GCSAML: variants seen among roughly 807,000 people sequenced by gnomAD.
GCSAML encodes germinal center associated signaling and motility like, also known as germinal center-associated signaling and motility-like protein.
Under a neutral mutation model 13.0 loss-of-function variants are expected in GCSAML, and 9 were observed. The ratio of observed to expected loss-of-function variants is 0.69; its 90% CI spans 0.42 to 1.21. The LOEUF (loss-of-function observed/expected upper bound fraction) is 1.21, where lower values mean the gene tolerates loss of function less well. GCSAML is among the 50% of genes most tolerant of loss of function. The probability of loss-of-function intolerance (pLI) is 0.00; values close to 1 mark genes in which losing one functional copy is unlikely to be tolerated. For synonymous variants in GCSAML, 37 were observed against 52.9 expected (o/e 0.70, Z 1.31); for missense variants, 143 against 153.4 (o/e 0.93, Z 0.36).
intron 4 of GCSAML, among the ~76,000 whole-genome samples, chr1:247,566,171 G>C (rs1483261735): frequency 6.6e-6 from 1 of 152,194 alleles, no homozygotes; most frequent in African/African-American, 2.4e-5. Context: ...AAACCAAAAA[G>C]TATTTCAACT....
chr1:247,536,564 G>C (rs578153230), intron 2 of GCSAML: 1 of 152,298 alleles, frequency 6.6e-6, no homozygotes, highest in South Asian at 2.1e-4. Flanking sequence ...ATAATTCTAA[G>C]ACATTGATTG....
chr1:247,573,267 G>A (rs1668696640), intron 4 of GCSAML, among the ~76,000 whole-genome samples: 1 of 152,194 alleles, frequency 6.6e-6, no homozygotes, highest in African/African-American at 2.4e-5. Context: ...TGGCCACTCA[G>A]TTTTGTGCTT....
intron 1 of GCSAML, among the ~76,000 whole-genome samples, chr1:247,516,760 C>T (rs2103303823): frequency 6.6e-6 from 1 of 152,294 alleles, no homozygotes; most frequent in Non-Finnish European, 1.5e-5. Flanking sequence ...CTAACTTCTT[C>T]AGCAGCTGAG....
chr1:247,522,851 C>T (rs1231966680), intron 1 of GCSAML, among the ~76,000 whole-genome samples: 2 of 149,156 alleles, frequency 1.3e-5, no homozygotes, highest in African/African-American at 2.5e-5. Flanking sequence ...CTTCCCTCCA[C>T]TATTGTCCTA....
chr1:247,538,760 A>G (rs1194702146), intron 2 of GCSAML: 1 of 456,460 alleles, frequency 2.2e-6, no homozygotes, highest in Non-Finnish European at 4.4e-6. Context: ...CCCTGAGGGT[A>G]CCTTGATCTT....
intron 2 of GCSAML, among the ~76,000 whole-genome samples, chr1:247,534,500 G>C (rs2103010820): frequency 6.6e-6 from 1 of 152,346 alleles, no homozygotes; most frequent in African/African-American, 2.4e-5. Context: ...CTTTTGTACA[G>C]TTGGAATAAA....
chr1:247,536,276 G>A (rs1667213662), intron 2 of GCSAML: 1 of 152,050 alleles, frequency 6.6e-6, no homozygotes, highest in African/African-American at 2.4e-5. Context: ...AATGCGTGTG[G>A]CATTAAAAAA....
chr1:247,545,779 T>A (rs1432786686), upstream of GCSAML, among the ~76,000 whole-genome samples: 3 of 152,212 alleles, frequency 2.0e-5, no homozygotes, highest in African/African-American at 7.2e-5. Flanking sequence ...TTCCTTAAAT[T>A]TTTTGGTAAT....
intron 2 of GCSAML, among the ~76,000 whole-genome samples, chr1:247,538,456 G>A (rs938047616): frequency 6.6e-6 from 1 of 152,106 alleles, no homozygotes; most frequent in Non-Finnish European, 1.5e-5. Context: ...ATGGTGTTAT[G>A]AACTGAATTG....
rs1667953561 is a variant in GCSAML, at chr1:247,556,478, G to A, written c.89+12G>A. On this transcript the variant is annotated intron_variant, in intron 2 of 4. Coordinates refer to ENST00000366488, the MANE Select transcript of GCSAML (RefSeq NM_145278.5). ...GAGGAAAGAAAACGGTAAGAACAGAGCATCTCAGAGTTTTTTTGTTTTGTT... is the reference window on the plus strand; with the variant it reads ...GAGGAAAGAAAACGGTAAGAACAGAACATCTCAGAGTTTTTTTGTTTTGTT... 1.3e-6 allele frequency: 2 copies of A among 1,590,414 alleles called. No individual in the cohort carries two copies. The highest frequency in any genetic ancestry group is 1.7e-6 in the Non-Finnish European group (2 of 1,162,828).
Position 247,574,304 on chromosome 1 carries a change from T to C in GCSAML, c.330T>C (p.Tyr110=). The C allele has an allele frequency of 6.2e-7, 1 of 1,614,014 alleles. No homozygotes were observed. Among genetic ancestry groups the C allele is most frequent in the Non-Finnish European group, 8.5e-7 (1 of 1,179,918 alleles). Residue 110 remains tyrosine, a synonymous_variant, in exon 5 of 5, where the codon TAT becomes TAC. Transcript: ENST00000366488. The part of the protein sequence containing the change: ...RQFRERSETE[Y]ALLRTSVSRP... ...TTAGAGAAAGGTCAGAGACAGAATATGCCCTTCTTAGGACTTCTGTTAGTA... is the reference window on the plus strand; with the variant it reads ...TTAGAGAAAGGTCAGAGACAGAATACGCCCTTCTTAGGACTTCTGTTAGTA...
chr1:247,542,706 C>A (rs373738957), intron 2 of GCSAML, among the ~76,000 whole-genome samples: 5 of 152,294 alleles, frequency 3.3e-5, no homozygotes, highest in South Asian at 4.1e-4. Flanking sequence ...TATCTAGTCA[C>A]CCCTGTGATG....
At chr1:247,531,320 T>C in intron 2 of GCSAML, 1 of 568,990 alleles carries the variant, frequency 1.8e-6, no homozygotes, top group South Asian at 2.3e-5. Flanking sequence ...AGTCAACATG[T>C]GTATATATAG....
At chr1:247,571,923 A>C (rs1176054) in intron 4 of GCSAML, among the ~76,000 whole-genome samples, 97,494 of 151,738 alleles carry the variant, frequency 0.64, 31,686 homozygotes, top group East Asian at 0.8. Flanking sequence ...TTTCTCTAAC[A>C]TTGTCTTCAT....
chr1:247,520,172 TG>T lies in GCSAML; in HGVS notation c.-262-6766del, dbSNP rs1390112701. 3.3e-5 allele frequency among the ~76,000 whole-genome samples: 5 copies of T among 152,366 alleles called. No individual in the cohort carries two copies. In the East Asian group the frequency reaches 9.6e-4, roughly 29 times the overall value. ...TCCATGAACTACTTAGTTCCTGTAA[TG>T]GCTAGTTTTGTGTCAACGTGACTAG... is the stretch of plus-strand genomic sequence containing the variant. On this transcript the variant is annotated intron_variant, in intron 1 of 5. Coordinates refer to the GCSAML transcript ENST00000366489.
At chr1:247,571,590 C>T (rs1408896201) in intron 4 of GCSAML, among the ~76,000 whole-genome samples, 2 of 152,144 alleles carry the variant, frequency 1.3e-5, no homozygotes, top group Non-Finnish European at 2.9e-5. Flanking sequence ...GATGGGCTTC[C>T]CTTTGTGGGT....
intron 1 of GCSAML, among the ~76,000 whole-genome samples, chr1:247,517,548 T>A (rs1281361495): frequency 6.6e-6 from 1 of 152,230 alleles, no homozygotes; most frequent in Non-Finnish European, 1.5e-5. Context: ...ATATTTTTTT[T>A]AATATTATTT....
intron 2 of GCSAML, among the ~76,000 whole-genome samples, chr1:247,542,410 A>C (rs1043422389): frequency 6.6e-6 from 1 of 152,236 alleles, no homozygotes; most frequent in Non-Finnish European, 1.5e-5. Context: ...GCATATGGAA[A>C]AGGTGGAAGG....
intron 1 of GCSAML, among the ~76,000 whole-genome samples, chr1:247,524,238 GA>G (rs1385746587): frequency 6.6e-6 from 1 of 150,960 alleles, no homozygotes; most frequent in African/African-American, 2.4e-5. Flanking sequence ...GGGCCTGAGG[GA>G]TCTCTCAGAC....
Sources: allele counts gnomAD v4.1 joint callset (sites outside exome capture counted in the v4.1 genomes callset), GRCh38; gene constraint gnomAD v4.1.1; transcripts MANE v1.5; gene names NCBI Gene and HGNC (gene_info 2026-07-23, HGNC 2026-07-21).